The following VPS13A variants were observed in gnomAD, a reference collection of about 807,000 sequenced individuals.
VPS13A encodes intermembrane lipid transfer protein VPS13A.
Under a neutral mutation model 390.9 loss-of-function variants are expected in VPS13A, and 264 were observed. The observed-to-expected ratio is 0.68, with a 90% CI of 0.61 to 0.75. VPS13A has a LOEUF of 0.75. Among genes scored for constraint, VPS13A ranks in the 30% least tolerant of loss-of-function variants. VPS13A has a pLI of 0.00. For missense variants in VPS13A, 3,409 were observed against 3,733.9 expected (o/e 0.91, Z 2.27); for synonymous variants, 1,231 against 1,227.1 (o/e 1.00, Z -0.07).
chr9:77,346,851 C>A (rs941311089), intron 52 of VPS13A, among the ~76,000 whole-genome samples: 2 of 152,204 alleles, frequency 1.3e-5, no homozygotes, highest in African/African-American at 4.8e-5. Context: ...GAGTGAAGAA[C>A]CAGCCTTGTC....
At chr9:77,332,145 A>ATT (rs1320234220) in intron 46 of VPS13A, 32 bp downstream of exon 46, 1 of 1,536,076 alleles carries the variant, frequency 6.5e-7, no homozygotes. Context: ...ATTTACTCTA[A>ATT]AATCTCTTGT....
At chr9:77,386,114 T>G (rs1833671762) in intron 68 of VPS13A, among the ~76,000 whole-genome samples, 1 of 152,202 alleles carries the variant, frequency 6.6e-6, no homozygotes, top group African/African-American at 2.4e-5. Flanking sequence ...TATTTTTATC[T>G]TTTTAGAATA....
Position 77,407,627 on chromosome 9 carries a change from T to C in VPS13A, c.9474+20T>C, listed in dbSNP as rs991359513. ...GCCAGGGTAAATATAATAAATCTTTTATTTAAATAGGAGCTGCTCACTTCA... is the reference window on the plus strand; with the variant it reads ...GCCAGGGTAAATATAATAAATCTTTCATTTAAATAGGAGCTGCTCACTTCA... On this transcript the variant is annotated intron_variant, in intron 71 of 71. Transcript: ENST00000360280. 7.7e-6 allele frequency: 12 copies of C among 1,565,026 alleles called. No homozygotes were observed. The South Asian group carries it at 1.1e-4, about 15-fold the overall frequency.
chr9:77,393,444 A>C (rs1481704168), intron 68 of VPS13A, among the ~76,000 whole-genome samples: 1 of 152,238 alleles, frequency 6.6e-6, no homozygotes, highest in African/African-American at 2.4e-5. Flanking sequence ...CATCTAGAAT[A>C]GTGAATCCTT....
chr9:77,420,769 AAAT>A lies in VPS13A; in HGVS notation c.*4767_*4769del, dbSNP rs1835316422. ...TGTGAGATTGGTATAATGAGATATC[AAAT>A]AATCAGAAGTATAATTAAAATAGAA... On this transcript the variant is annotated 3_prime_UTR_variant, in exon 72 of 72. Coordinates refer to ENST00000360280, the MANE Select transcript of VPS13A (RefSeq NM_033305.3). 6.6e-6 allele frequency: 1 copy of A among 152,218 alleles called. No homozygotes were observed. The highest frequency in any genetic ancestry group is 2.4e-5 in the African/African-American group (1 of 41,454). The allele number at this position is 152,218 out of a possible 1,614,324, so 9.4% of individuals were successfully genotyped here. A position where few individuals can be genotyped will look rare whatever the true frequency, so the allele number is the denominator to read the frequency against.
At chr9:77,287,448 C>A (rs1426590770) in intron 31 of VPS13A, among the ~76,000 whole-genome samples, 1 of 152,152 alleles carries the variant, frequency 6.6e-6, no homozygotes, top group East Asian at 1.9e-4. Context: ...CTGCCTCGGT[C>A]TCCCAAAGTG....
intron 27 of VPS13A, 134 bp from the exon 28 acceptor site, chr9:77,281,733 A>T: frequency 2.0e-6 from 1 of 501,774 alleles, no homozygotes. Context: ...ATGTGTGTGT[A>T]TATGTGTATA....
intron 23 of VPS13A, 60 bp downstream of exon 23, chr9:77,260,284 C>A: frequency 1.3e-6 from 2 of 1,489,234 alleles, no homozygotes; most frequent in Non-Finnish European, 1.8e-6. Flanking sequence ...AATAGTATTT[C>A]AAACAATCAC....
intron 22 of VPS13A, among the ~76,000 whole-genome samples, chr9:77,258,117 T>C (rs1009664433): frequency 5.9e-5 from 9 of 152,234 alleles, no homozygotes; most frequent in African/African-American, 2.2e-4. Flanking sequence ...TATTTCTAAA[T>C]AGTTTTAGAC....
At chr9:77,230,746 A>T (rs1449320278) in intron 17 of VPS13A, among the ~76,000 whole-genome samples, 1 of 152,056 alleles carries the variant, frequency 6.6e-6, no homozygotes, top group South Asian at 2.1e-4. Flanking sequence ...TTGTCCATTT[A>T]TGCAAAAAAA....
intron 26 of VPS13A, 111 bp downstream of exon 26, chr9:77,276,332 C>A: frequency 2.0e-6 from 2 of 1,009,180 alleles, no homozygotes; most frequent in Non-Finnish European, 2.8e-6. Context: ...GAAATATTCT[C>A]AGAGAACCAT....
chr9:77,328,746 A>C (rs566897771), intron 45 of VPS13A, among the ~76,000 whole-genome samples: 94 of 152,324 alleles, frequency 6.2e-4, no homozygotes, highest in African/African-American at 1.9e-3. Flanking sequence ...CTCAGCCTTC[A>C]TACAATTGAA....
intron 1 of VPS13A, among the ~76,000 whole-genome samples, chr9:77,185,035 A>C (rs995770605): frequency 6.6e-6 from 1 of 152,144 alleles, no homozygotes; most frequent in East Asian, 1.9e-4. Context: ...ACCCTGATTT[A>C]TAGCTGGTCA....
chr9:77,274,861 A>G (rs1826553130), intron 24 of VPS13A, among the ~76,000 whole-genome samples: 2 of 152,128 alleles, frequency 1.3e-5, no homozygotes, highest in South Asian at 4.1e-4. Flanking sequence ...TTAGTTTATT[A>G]GGGATATACT....
At chr9:77,216,612 C>A (rs1822880897) in intron 10 of VPS13A, among the ~76,000 whole-genome samples, 1 of 152,136 alleles carries the variant, frequency 6.6e-6, no homozygotes, top group Admixed American at 6.5e-5. Flanking sequence ...GATGTAAATT[C>A]TCTTCTGAGC....
chr9:77,286,275 T>A (rs1827316930), intron 31 of VPS13A, among the ~76,000 whole-genome samples: 1 of 152,160 alleles, frequency 6.6e-6, no homozygotes, highest in Non-Finnish European at 1.5e-5. Context: ...GTTGGTCAGA[T>A]GGGACATCGG....
At chr9:77,294,961 CTCT>C (rs1402413415) in intron 32 of VPS13A, among the ~76,000 whole-genome samples, 3 of 152,062 alleles carry the variant, frequency 2.0e-5, no homozygotes, top group African/African-American at 7.2e-5. Flanking sequence ...CTACCTCAGC[CTCT>C]TAAGTAGCTA....
intron 68 of VPS13A, among the ~76,000 whole-genome samples, chr9:77,383,536 G>A (rs539153223): frequency 6.6e-6 from 1 of 151,956 alleles, no homozygotes; most frequent in Non-Finnish European, 1.5e-5. Context: ...AATATAGTAC[G>A]AAGTAAGGAT....
chr9:77,221,156 G>A lies in VPS13A; in HGVS notation c.990-29G>A, dbSNP rs945704840. On this transcript the variant is annotated intron_variant, in intron 12 of 71. Coordinates refer to ENST00000360280, the MANE Select transcript of VPS13A (RefSeq NM_033305.3). ...AATGTTTCATACTGTTGATTTGAGGGTGTTAAATGTTTTTCTTTTTTTAAC... is the reference window on the plus strand; with the variant it reads ...AATGTTTCATACTGTTGATTTGAGGATGTTAAATGTTTTTCTTTTTTTAAC... 3 of 1,605,282 alleles carry A rather than the reference G, an allele frequency of 1.9e-6. No individual in the cohort carries two copies. The African/African-American group carries it at 4.0e-5, about 22-fold the overall frequency.
Sources: gnomAD v4.1 joint callset for allele counts (sites outside exome capture counted in the v4.1 genomes callset) on GRCh38, gnomAD v4.1.1 for gene constraint, MANE v1.5 for transcripts, NCBI Gene and HGNC (gene_info 2026-07-23, HGNC 2026-07-21) for gene names.